SYCP2L: variants seen among roughly 807,000 people sequenced by gnomAD.
The protein encoded by SYCP2L is synaptonemal complex protein 2-like.
Under a neutral mutation model 125.8 loss-of-function variants are expected in SYCP2L, and 98 were observed. That is an observed-to-expected ratio of 0.78 (90% confidence interval 0.66 to 0.92). SYCP2L has a LOEUF of 0.92. Ranked by LOEUF, SYCP2L falls within the 40% of genes least tolerant of loss-of-function variation. The pLI is 0.00. For synonymous variants in SYCP2L, 317 were observed against 325.4 expected (o/e 0.97, Z 0.28); for missense variants, 842 against 936.4 (o/e 0.90, Z 1.32).
intron 15 of SYCP2L, 136 bp downstream of exon 15, chr6:10,924,777 A>T: frequency 1.2e-6 from 1 of 804,760 alleles, no homozygotes; most frequent in Non-Finnish European, 1.8e-6. Context: ...TGTAAAAAAG[A>T]GTTGAGAGTT....
Position 10,912,618 on chromosome 6 carries a change from G to A in SYCP2L, c.919-55G>A. 2 of 1,265,594 alleles carry A rather than the reference G, an allele frequency of 1.6e-6. No homozygotes were observed. The highest frequency in any genetic ancestry group is 2.3e-6 in the Non-Finnish European group (2 of 876,244). The allele number at this position is 1,265,594 out of a possible 1,614,324, so 78.4% of individuals were successfully genotyped here. A position where few individuals can be genotyped will look rare whatever the true frequency, so the allele number is the denominator to read the frequency against. On this transcript the variant is annotated intron_variant, in intron 12 of 29. Transcript: ENST00000283141. The surrounding 1 kb of genome is among the most constrained non-coding windows in gnomAD (Gnocchi z 4.1). Reference sequence around the variant, plus strand: ...ATTTTCAAGGGAATAATGTTTATCTGACCCTATAGCATGATTTTTATGTGT... The same window carrying A: ...ATTTTCAAGGGAATAATGTTTATCTAACCCTATAGCATGATTTTTATGTGT...
intron 23 of SYCP2L, among the ~76,000 whole-genome samples, chr6:10,952,097 T>C (rs1361829076): frequency 1.3e-5 from 2 of 152,194 alleles, no homozygotes; most frequent in Non-Finnish European, 2.9e-5. Flanking sequence ...TGTGTTTATT[T>C]TTGAGGTGTT....
chr6:10,908,737 A>C (rs1458303935), intron 10 of SYCP2L, among the ~76,000 whole-genome samples: 1 of 152,220 alleles, frequency 6.6e-6, no homozygotes, highest in African/African-American at 2.4e-5. Context: ...CATATACTGC[A>C]TAAAGTAATT....
chr6:10,908,208 A>G (rs1041883806), intron 10 of SYCP2L, among the ~76,000 whole-genome samples: 2 of 152,144 alleles, frequency 1.3e-5, no homozygotes, highest in Non-Finnish European at 2.9e-5. Flanking sequence ...TATAGGAGAC[A>G]GAACTAGGTG....
Position 10,912,818 on chromosome 6 carries a change from G to A in SYCP2L, c.1012-49G>A. 1 of 1,607,614 alleles carries A rather than the reference G, an allele frequency of 6.2e-7. No individual in the cohort carries two copies. The highest frequency in any genetic ancestry group is 8.5e-7 in the Non-Finnish European group (1 of 1,174,852). ...CTAAGCCTTTAGAGATCTTTTTTATGTAAGTATGTGTTTTGCACTCATGAA... is the reference window on the plus strand; with the variant it reads ...CTAAGCCTTTAGAGATCTTTTTTATATAAGTATGTGTTTTGCACTCATGAA... On this transcript the variant is annotated intron_variant, in intron 13 of 29. Coordinates refer to ENST00000283141, the MANE Select transcript of SYCP2L (RefSeq NM_001040274.3). This position sits in a 1 kb window ranked among gnomAD's most constrained non-coding sequence, Gnocchi z 4.1.
At chr6:10,889,480 T>C (rs1164498747) in intron 1 of SYCP2L, among the ~76,000 whole-genome samples, 1 of 152,238 alleles carries the variant, frequency 6.6e-6, no homozygotes, top group Non-Finnish European at 1.5e-5. Flanking sequence ...TACATTATAG[T>C]CACCTTGCAG....
In SYCP2L at chr6:10,900,729, C is replaced by A. The variant is rs577683363; in HGVS notation, c.466+1881C>A. 3.3e-5 allele frequency among the ~76,000 whole-genome samples: 5 copies of A among 152,296 alleles called. No individual in the cohort carries two copies. The South Asian group carries it at 8.3e-4, about 25-fold the overall frequency. On this transcript the variant is annotated intron_variant, in intron 6 of 29. Coordinates refer to ENST00000283141, the MANE Select transcript of SYCP2L (RefSeq NM_001040274.3). ...CGTGACCTCATCTGAACTTCCCTTA[C>A]CAAAGGCTGCATCTCAAATACCACA...
chr6:10,929,541 G>A (rs1294578882), intron 18 of SYCP2L, among the ~76,000 whole-genome samples: 1 of 152,104 alleles, frequency 6.6e-6, no homozygotes, highest in Non-Finnish European at 1.5e-5. Context: ...AAATATCAAA[G>A]TACAGTTGAA....
Position 10,912,787 on chromosome 6 carries a change from T to C in SYCP2L, c.1011+22T>C. The C allele has an allele frequency of 6.2e-7, 1 of 1,609,936 alleles. No individual in the cohort carries two copies. The highest frequency in any genetic ancestry group is 8.5e-7 in the Non-Finnish European group (1 of 1,176,560). On this transcript the variant is annotated intron_variant, in intron 13 of 29. Coordinates refer to ENST00000283141, the MANE Select transcript of SYCP2L (RefSeq NM_001040274.3). The surrounding 1 kb of genome is among the most constrained non-coding windows in gnomAD (Gnocchi z 4.1). ...TGAGGTAATGATGTTCGATTCTTGG[T>C]TAGAACTAAGCCTTTAGAGATCTTT...
At position 10,912,442 on chromosome 6, in the gene SYCP2L, A is replaced by C. The variant is rs1342839083; in HGVS notation, c.919-231A>C. Among the ~76,000 whole-genome samples the C allele has an allele frequency of 1.3e-5, 2 of 152,226 alleles. No homozygotes were observed. The highest frequency in any genetic ancestry group is 2.9e-5 in the Non-Finnish European group (2 of 68,030). On this transcript the variant is annotated intron_variant, in intron 12 of 29. Transcript: ENST00000283141. This position sits in a 1 kb window ranked among gnomAD's most constrained non-coding sequence, Gnocchi z 4.1. The stretch of plus-strand genomic sequence containing the variant: ...ATGTGACACATTTAAATATCTATCA[A>C]ATATGCTAAGGATAGTGGGATTTTT...
rs1165552749 is a variant in SYCP2L, at chr6:10,955,163, G to A, written c.2002G>A (p.Glu668Lys). The A allele has an allele frequency of 6.2e-7, 1 of 1,613,704 alleles. No individual in the cohort carries two copies. Among genetic ancestry groups the A allele is most frequent in the Non-Finnish European group, 8.5e-7 (1 of 1,179,582 alleles). ...FAKSQQSRLE[E>K]EVAPGSPFSI... Reference sequence around the variant, plus strand: ...TAAGTCACAACAATCAAGATTGGAAGAAGAGGTTGCTCCGGGATCCCCTTT... The same window carrying A: ...TAAGTCACAACAATCAAGATTGGAAAAAGAGGTTGCTCCGGGATCCCCTTT... The change falls in exon 24 of 30, where the codon GAA (glutamate) becomes AAA (lysine). Residue 668 changes from glutamate to lysine, a missense_variant. Transcript: ENST00000283141.
rs1780627917 is a variant in SYCP2L, at chr6:10,912,523, CA to C, written c.919-149del. On this transcript the variant is annotated intron_variant, in intron 12 of 29. Transcript: ENST00000283141. This position sits in a 1 kb window ranked among gnomAD's most constrained non-coding sequence, Gnocchi z 4.1. ...ATAAAATTGAGATCCTTCTGTTTTG[CA>C]CAAAAGAGTCAGTCAATAGAGGCCC... is the stretch of plus-strand genomic sequence containing the variant. 2 of 586,306 alleles carry C rather than the reference CA, an allele frequency of 3.4e-6. No homozygotes were observed. The highest frequency in any genetic ancestry group is 5.7e-5 in the East Asian group (2 of 34,986). 36.3% of individuals were successfully genotyped at this position (586,306 alleles called of 1,614,324 possible).
At chr6:10,917,713 G>A (rs1780715462) in intron 14 of SYCP2L, among the ~76,000 whole-genome samples, 1 of 152,074 alleles carries the variant, frequency 6.6e-6, no homozygotes, top group Non-Finnish European at 1.5e-5. Flanking sequence ...CTTGGGTTTT[G>A]TTTGTAATAT....
chr6:10,939,754 CTG>C (rs1781179397), intron 21 of SYCP2L, among the ~76,000 whole-genome samples: 1 of 152,318 alleles, frequency 6.6e-6, no homozygotes, highest in African/African-American at 2.4e-5. Context: ...AGATCTAAAA[CTG>C]TACAAGACAA....
At position 10,940,989 on chromosome 6, in the gene SYCP2L, A is replaced by T. The variant is rs1368282187; in HGVS notation, c.1814-1470A>T. ...AAGTAACTGGCTGTTAATCTTAACT[A>T]CAGATGTACAAACCTAATAAGAATT... is the stretch of plus-strand genomic sequence containing the variant. On this transcript the variant is annotated intron_variant, in intron 21 of 29. Transcript: ENST00000283141. 7.2e-5 allele frequency among the ~76,000 whole-genome samples: 11 copies of T among 152,168 alleles called. No homozygotes were observed. The East Asian group carries it at 1.9e-3, about 27-fold the overall frequency.
chr6:10,895,045 C>T (rs1780234064), intron 4 of SYCP2L, among the ~76,000 whole-genome samples: 1 of 152,158 alleles, frequency 6.6e-6, no homozygotes, highest in Non-Finnish European at 1.5e-5. Context: ...CCAGGCTTTC[C>T]CAGACTCCTC....
At chr6:10,962,294 A>G (rs1781607321) in intron 28 of SYCP2L, among the ~76,000 whole-genome samples, 1 of 150,352 alleles carries the variant, frequency 6.7e-6, no homozygotes, top group Non-Finnish European at 1.5e-5. Flanking sequence ...ATTCCTATGC[A>G]TATATTCCAA....
rs551153470 is a variant in SYCP2L, at chr6:10,964,065, C to A, written c.*37+222C>A. Among the ~76,000 whole-genome samples the A allele has an allele frequency of 1.4e-4, 21 of 151,556 alleles. No individual in the cohort carries two copies. In the South Asian group the frequency reaches 3.9e-3, roughly 28 times the overall value. Reference sequence around the variant, plus strand: ...CTCCGCCTCCCAGGTTCACGCCATTCTCCTGCCTCAGCCTCCTGAGTAGCT... The same window carrying A: ...CTCCGCCTCCCAGGTTCACGCCATTATCCTGCCTCAGCCTCCTGAGTAGCT... On this transcript the variant is annotated intron_variant, in intron 29 of 29. Coordinates refer to ENST00000283141, the MANE Select transcript of SYCP2L (RefSeq NM_001040274.3).
At chr6:10,945,284 T>C (rs1253346632) in intron 23 of SYCP2L, among the ~76,000 whole-genome samples, 6 of 152,190 alleles carry the variant, frequency 3.9e-5, no homozygotes, top group African/African-American at 1.4e-4. Flanking sequence ...TCTCTATATA[T>C]GTATATTCAT....
Sources: gnomAD v4.1 joint callset for allele counts (sites outside exome capture counted in the v4.1 genomes callset) on GRCh38, gnomAD v4.1.1 for gene constraint, Gnocchi (gnomAD v3.1) non-coding constraint, MANE v1.5 for transcripts, NCBI Gene and HGNC (gene_info 2026-07-23, HGNC 2026-07-21) for gene names.